ADAM22: variants seen among roughly 807,000 people sequenced by gnomAD.
ADAM22 encodes disintegrin and metalloproteinase domain-containing protein 22.
ADAM22 carries 65 observed loss-of-function variants against 144.6 expected under a neutral mutation model. That is an observed-to-expected ratio of 0.45 (90% CI 0.37 to 0.55). ADAM22 has a LOEUF of 0.55. ADAM22 is among the 20% of genes least tolerant of loss of function. The pLI is 0.00. For synonymous variants in ADAM22, 391 were observed against 412.6 expected, an observed-to-expected ratio of 0.95 and a Z score of 0.63; for missense variants, 974 against 1,184.9, an observed-to-expected ratio of 0.82 and a Z score of 2.61.
chr7:88,013,981 T>C (rs554610725), intron 3 of ADAM22, among the ~76,000 whole-genome samples: 117 of 152,332 alleles, frequency 7.7e-4, no homozygotes, highest in Non-Finnish European at 1.4e-3. Context: ...AATTCCCTTT[T>C]AAAATCTTAA....
rs745800433 is a variant in ADAM22 at position 88,163,005 on chromosome 7, T to C, written c.1908-7T>C. 10 of 1,603,982 alleles carry C rather than the reference T, an allele frequency of 6.2e-6. No individual in the cohort carries two copies. The highest frequency in any genetic ancestry group is 8.5e-6 in the Non-Finnish European group (10 of 1,176,784). On this transcript the variant is annotated splice_region_variant and splice_polypyrimidine_tract_variant and intron_variant, in intron 22 of 31. Transcript: ENST00000413139. ...AGATTCATTTTTTGCTCTCAATTTGTTTTTAGTGGTGGGCATGTTAAGCTT... is the reference window on the plus strand; with the variant it reads ...AGATTCATTTTTTGCTCTCAATTTGCTTTTAGTGGTGGGCATGTTAAGCTT...
intron 3 of ADAM22, among the ~76,000 whole-genome samples, chr7:87,989,247 G>T (rs1789182441): frequency 6.6e-6 from 1 of 152,154 alleles, no homozygotes; most frequent in Non-Finnish European, 1.5e-5. Flanking sequence ...GCTATGGTAA[G>T]TTTCCAGGTA....
chr7:88,193,207 G>A lies in ADAM22; in HGVS notation c.2842G>A (p.Glu948Lys). 2.5e-6 allele frequency: 4 copies of A among 1,614,050 alleles called. No homozygotes were observed. Among genetic ancestry groups the A allele is most frequent in the Non-Finnish European group, 3.4e-6 (4 of 1,179,966 alleles). The part of the protein sequence containing the change: ...YPYPMPPLPD[E>K]DKKVNRQSAR... ...TTACCCAATGCCTCCACTTCCTGAT[G>A]AGGACAAGAAAGTGAACCGACAAAG... The change falls in exon 31 of 32, where the codon GAG becomes AAG. Residue 948 changes from glutamate to lysine, a missense_variant. Transcript: ENST00000413139.
At chr7:88,018,863 C>T (rs1224651668) in intron 3 of ADAM22, among the ~76,000 whole-genome samples, 1 of 152,174 alleles carries the variant, frequency 6.6e-6, no homozygotes, top group African/African-American at 2.4e-5. Flanking sequence ...TACTTAATTT[C>T]TGAGAAATAA....
chr7:88,166,095 T>C lies in ADAM22; in HGVS notation c.2191+149T>C, dbSNP rs1842883717. 1.1e-5 allele frequency: 6 copies of C among 542,776 alleles called. No homozygotes were observed. The Admixed American group carries it at 1.1e-4, about 10-fold the overall frequency. 33.6% of individuals were successfully genotyped at this position (542,776 alleles called of 1,614,324 possible). A position where few individuals can be genotyped will look rare whatever the true frequency, so the allele number is the denominator to read the frequency against. On this transcript the variant is annotated intron_variant, in intron 24 of 31. Coordinates refer to ENST00000413139, the MANE Select transcript of ADAM22 (RefSeq NM_001324418.2). The stretch of plus-strand genomic sequence containing the variant: ...ACAACTGGGGTCCATTTTATGAAAC[T>C]GATTATGTCCATTAAATTGTAATGA...
chr7:87,946,712 A>G (rs552113215), intron 2 of ADAM22, among the ~76,000 whole-genome samples: 1 of 152,164 alleles, frequency 6.6e-6, no homozygotes, highest in African/African-American at 2.4e-5. Flanking sequence ...TGGTCTATGT[A>G]TAGCCAAAAG....
At chr7:88,060,622 C>T (rs931399364) in intron 3 of ADAM22, among the ~76,000 whole-genome samples, 87 of 151,648 alleles carry the variant, frequency 5.7e-4, no homozygotes, top group African/African-American at 2.1e-3. Flanking sequence ...AAAAATTAGC[C>T]GGGCATGGTG....
intron 4 of ADAM22, among the ~76,000 whole-genome samples, chr7:88,095,161 CAT>C (rs1479540675): frequency 6.6e-6 from 1 of 152,152 alleles, no homozygotes; most frequent in Non-Finnish European, 1.5e-5. Flanking sequence ...TGATTCCACT[CAT>C]GACAGGAAGC....
chr7:88,119,198 A>T (rs1032740261), intron 7 of ADAM22, among the ~76,000 whole-genome samples: 2 of 152,236 alleles, frequency 1.3e-5, no homozygotes, highest in Non-Finnish European at 2.9e-5. Context: ...TTAAAAAAAT[A>T]TGCAATGAAA....
At chr7:88,157,320 A>C (rs1840255959) in intron 22 of ADAM22, among the ~76,000 whole-genome samples, 1 of 152,160 alleles carries the variant, frequency 6.6e-6, no homozygotes, top group South Asian at 2.1e-4. Flanking sequence ...CTTAGAACAA[A>C]GCAAAGAATT....
chr7:88,015,438 T>C (rs1266973361), intron 3 of ADAM22, among the ~76,000 whole-genome samples: 5 of 152,198 alleles, frequency 3.3e-5, no homozygotes, highest in Admixed American at 3.3e-4. Context: ...CTGCTGCCCT[T>C]AGTTGTACAT....
intron 4 of ADAM22, chr7:88,089,864 A>G (rs1425663196): frequency 6.6e-6 from 1 of 152,186 alleles, no homozygotes; most frequent in Non-Finnish European, 1.5e-5. Context: ...AAACAAGCTC[A>G]GTGATGTGCA....
chr7:88,101,978 A>G (rs996744725), intron 4 of ADAM22, among the ~76,000 whole-genome samples: 1 of 152,182 alleles, frequency 6.6e-6, no homozygotes, highest in African/African-American at 2.4e-5. Context: ...ACTCTTTGAG[A>G]ACCACTGGTG....
At chr7:88,037,059 A>C (rs775499738) in intron 3 of ADAM22, among the ~76,000 whole-genome samples, 4 of 152,130 alleles carry the variant, frequency 2.6e-5, no homozygotes, top group Admixed American at 6.5e-5. Context: ...AAGAATTGAA[A>C]ATTTCATTGG....
At chr7:88,182,684 A>G (rs1331433753) in intron 29 of ADAM22, among the ~76,000 whole-genome samples, 1 of 152,158 alleles carries the variant, frequency 6.6e-6, no homozygotes, top group East Asian at 1.9e-4. Flanking sequence ...AAAGTCATTT[A>G]TAATGAAGTA....
At chr7:88,006,726 A>C (rs1481995726) in intron 3 of ADAM22, among the ~76,000 whole-genome samples, 708 of 126,104 alleles carry the variant, frequency 5.6e-3, no homozygotes, top group South Asian at 1.0e-2. Context: ...AACTCTCAAT[A>C]AATTAGGTAT....
intron 2 of ADAM22, among the ~76,000 whole-genome samples, chr7:87,942,427 C>A (rs1043067575): frequency 6.6e-6 from 1 of 152,100 alleles, no homozygotes; most frequent in East Asian, 1.9e-4. Flanking sequence ...TCAGCTCCAC[C>A]GCACTGCCTA....
At chr7:88,040,939 C>T (rs1347624040) in intron 3 of ADAM22, among the ~76,000 whole-genome samples, 1 of 151,978 alleles carries the variant, frequency 6.6e-6, no homozygotes, top group East Asian at 1.9e-4. Flanking sequence ...CTCTTAGCCC[C>T]AAAAGGTCAC....
intron 2 of ADAM22, among the ~76,000 whole-genome samples, chr7:87,939,228 A>G (rs17150051): frequency 0.05 from 7,669 of 152,204 alleles, 593 homozygotes; most frequent in African/African-American, 0.16. Context: ...GCTGCATTAA[A>G]AGGAAGGGTG....
Sources: allele counts gnomAD v4.1 joint callset (sites outside exome capture counted in the v4.1 genomes callset), GRCh38; gene constraint gnomAD v4.1.1; transcripts MANE v1.5; gene names NCBI Gene and HGNC (gene_info 2026-07-23, HGNC 2026-07-21).